Variants in FILIP1 observed in about 807,000 individuals in gnomAD.
FILIP1 encodes the protein filamin A interacting protein 1.
Under a neutral mutation model 102.1 loss-of-function variants are expected in FILIP1, and 61 were observed. The observed-to-expected ratio is 0.60, with a 90% CI of 0.49 to 0.74. The LOEUF (loss-of-function observed/expected upper bound fraction) is 0.74, where lower values mean the gene tolerates loss of function less well. Among genes scored for constraint, FILIP1 ranks in the 30% least tolerant of loss-of-function variants. FILIP1 has a pLI of 0.00. For missense variants in FILIP1, 1,314 were observed against 1,441.2 expected (o/e 0.91, Z 1.43); for synonymous variants, 491 against 526.9 (o/e 0.93, Z 0.93).
Position 75,349,409 on chromosome 6 carries a change from CAG to C in FILIP1, c.629+4128_629+4129del, listed in dbSNP as rs140017158. The stretch of plus-strand genomic sequence containing the variant: ...AGCCGCCTGGAATGGAGACAGCCTG[CAG>C]AGTCTCACCACCGGCGGGAGAAGCT... On this transcript the variant is annotated intron_variant, in intron 4 of 5. Coordinates refer to ENST00000237172, the MANE Select transcript of FILIP1 (RefSeq NM_015687.5). Among the ~76,000 whole-genome samples, 1,187 of 152,180 alleles carry C rather than the reference CAG, an allele frequency of 7.8e-3. 53 individuals carry two copies. In the East Asian group the frequency reaches 0.12, roughly 16 times the overall value.
At chr6:75,310,548 C>A (rs1228094651) in intron 5 of FILIP1, among the ~76,000 whole-genome samples, 2 of 152,186 alleles carry the variant, frequency 1.3e-5, no homozygotes, top group Non-Finnish European at 2.9e-5. Context: ...ACTTAGAAAT[C>A]TTAGACAGTT....
chr6:75,439,630 T>G (rs1778141018), intron 1 of FILIP1, among the ~76,000 whole-genome samples: 1 of 152,214 alleles, frequency 6.6e-6, no homozygotes, highest in Non-Finnish European at 1.5e-5. Flanking sequence ...GATGATCAAT[T>G]TATAATAGGA....
At chr6:75,442,252 C>T (rs990185561) in intron 1 of FILIP1, among the ~76,000 whole-genome samples, 2 of 151,712 alleles carry the variant, frequency 1.3e-5, no homozygotes, top group Non-Finnish European at 2.9e-5. Flanking sequence ...CGGGCAGAGA[C>T]GCTCCTCACT....
intron 1 of FILIP1, among the ~76,000 whole-genome samples, chr6:75,477,080 T>G (rs1779495241): frequency 6.6e-6 from 1 of 152,226 alleles, no homozygotes. Context: ...ACTAACTTTT[T>G]CTACAACATT....
intron 4 of FILIP1, among the ~76,000 whole-genome samples, chr6:75,338,367 A>G (rs1020642643): frequency 1.3e-5 from 2 of 152,198 alleles, no homozygotes; most frequent in African/African-American, 4.8e-5. Context: ...TTTTCTGCTC[A>G]AACTTTTCAC....
chr6:75,374,683 G>A (rs575814028), intron 2 of FILIP1, among the ~76,000 whole-genome samples: 28 of 152,210 alleles, frequency 1.8e-4, no homozygotes, highest in African/African-American at 6.7e-4. Context: ...CCGGGCCAGT[G>A]AGAAGCTGAA....
At chr6:75,349,726 C>G (rs1042732320) in intron 4 of FILIP1, among the ~76,000 whole-genome samples, 1 of 152,172 alleles carries the variant, frequency 6.6e-6, no homozygotes, top group Non-Finnish European at 1.5e-5. Context: ...GGCCGCGTTG[C>G]GCCTCGGCGG....
intron 1 of FILIP1, among the ~76,000 whole-genome samples, chr6:75,466,469 T>C (rs1478759911): frequency 6.6e-6 from 1 of 152,230 alleles, no homozygotes; most frequent in Non-Finnish European, 1.5e-5. Flanking sequence ...GCTTCATTCA[T>C]GTATCCATTC....
chr6:75,307,558 G>A (rs767156080), downstream of FILIP1, among the ~76,000 whole-genome samples: 1 of 152,164 alleles, frequency 6.6e-6, no homozygotes, highest in Non-Finnish European at 1.5e-5. Context: ...TTGTGGTTAT[G>A]TGGCTATGAA....
chr6:75,484,804 T>C (rs1431935213), intron 1 of FILIP1, among the ~76,000 whole-genome samples: 1 of 152,198 alleles, frequency 6.6e-6, no homozygotes, highest in Non-Finnish European at 1.5e-5. Context: ...CAAGGCCCTG[T>C]GCCTGCTCAC....
At chr6:75,375,787 T>C (rs1775731618) in intron 2 of FILIP1, among the ~76,000 whole-genome samples, 1 of 152,218 alleles carries the variant, frequency 6.6e-6, no homozygotes, top group Non-Finnish European at 1.5e-5. Context: ...GTTTACTGTG[T>C]TTTCTGATCT....
At chr6:75,345,906 G>A (rs556341515) in intron 4 of FILIP1, among the ~76,000 whole-genome samples, 1 of 152,252 alleles carries the variant, frequency 6.6e-6, no homozygotes, top group South Asian at 2.1e-4. Flanking sequence ...TGTCATTAGG[G>A]TTCTTTCTGG....
chr6:75,327,154 C>T (rs1191616659), intron 4 of FILIP1, among the ~76,000 whole-genome samples: 1 of 152,228 alleles, frequency 6.6e-6, no homozygotes, highest in African/African-American at 2.4e-5. Context: ...CAGTCACCTA[C>T]ACCCGCTTCT....
downstream of FILIP1, among the ~76,000 whole-genome samples, chr6:75,306,310 A>G (rs993893633): frequency 6.6e-6 from 1 of 152,258 alleles, no homozygotes; most frequent in South Asian, 2.1e-4. Context: ...TCTCCTGTAG[A>G]TGGTATAGAC....
At chr6:75,300,509 C>T (rs562704965) in intron 6 of FILIP1, among the ~76,000 whole-genome samples, 8 of 152,288 alleles carry the variant, frequency 5.3e-5, no homozygotes, top group African/African-American at 1.9e-4. Context: ...ATTCTATTTA[C>T]CTTTTAGAAG....
At chr6:75,489,533 A>G (rs1779895460) in intron 1 of FILIP1, among the ~76,000 whole-genome samples, 1 of 152,148 alleles carries the variant, frequency 6.6e-6, no homozygotes, top group South Asian at 2.1e-4. Flanking sequence ...TGAAGAATAA[A>G]TTATAAACTA....
intron 2 of FILIP1, among the ~76,000 whole-genome samples, chr6:75,364,031 T>G (rs915440396): frequency 6.6e-6 from 1 of 152,218 alleles, no homozygotes; most frequent in Non-Finnish European, 1.5e-5. Context: ...TTTCTTGAGG[T>G]TTCTCACTTT....
chr6:75,344,687 T>C (rs907324660), intron 4 of FILIP1, among the ~76,000 whole-genome samples: 6 of 152,236 alleles, frequency 3.9e-5, no homozygotes, highest in Non-Finnish European at 7.3e-5. Flanking sequence ...TAACTGGTTG[T>C]GACCAGCATT....
intron 1 of FILIP1, among the ~76,000 whole-genome samples, chr6:75,449,812 A>C (rs1298964579): frequency 1.3e-5 from 2 of 152,228 alleles, no homozygotes; most frequent in African/African-American, 4.8e-5. Context: ...ACTCATTGAA[A>C]ATAATCAGTG....
Sources: allele counts gnomAD v4.1 joint callset (sites outside exome capture counted in the v4.1 genomes callset), GRCh38; gene constraint gnomAD v4.1.1; transcripts MANE v1.5; gene names NCBI Gene and HGNC (gene_info 2026-07-23, HGNC 2026-07-21).